The following DMKN variants were observed in gnomAD, a reference collection of about 807,000 sequenced individuals.
DMKN encodes dermokine.
DMKN carries 58 observed loss-of-function variants against 67.6 expected under a neutral mutation model. The ratio of observed to expected loss-of-function variants is 0.86; its 90% CI spans 0.69 to 1.07. The LOEUF is 1.07. DMKN is among the 50% of genes least tolerant of loss of function. The probability of loss-of-function intolerance (pLI) is 0.00; values close to 1 mark genes in which losing one functional copy is unlikely to be tolerated. For missense variants in DMKN, 596 were observed against 601.5 expected (o/e 0.99, Z 0.10); for synonymous variants, 240 against 232.3 (o/e 1.03, Z -0.30).
intron 7 of DMKN, chr19:35,507,491 A>G: frequency 6.4e-7 from 1 of 1,551,470 alleles, no homozygotes; most frequent in Non-Finnish European, 8.7e-7. Context: ...CAAGGAGGCG[A>G]TTGCCCTCTT....
In DMKN at chr19:35,500,635, G is replaced by A. The variant is rs892119066; in HGVS notation, c.1240-55C>T. On this transcript the variant is annotated intron_variant, in intron 11 of 15. Transcript: ENST00000339686. ...CCTCCGCAGTCGTGCGGGCATTGCC[G>A]GGCTTTCAGAGCCCCAGTTTCTCCC... 2.6e-5 allele frequency: 40 copies of A among 1,557,002 alleles called. 1 individual carries two copies. The highest frequency in any genetic ancestry group is 3.4e-5 in the Non-Finnish European group (39 of 1,145,592).
At chr19:35,506,387 A>G in intron 7 of DMKN, 1 of 635,474 alleles carries the variant, frequency 1.6e-6, no homozygotes, top group Non-Finnish European at 2.8e-6. Flanking sequence ...CTCCCATGGA[A>G]CCCCACCCAG....
At chr19:35,505,071 C>T (rs2069185054) in intron 9 of DMKN, among the ~76,000 whole-genome samples, 1 of 151,944 alleles carries the variant, frequency 6.6e-6, no homozygotes, top group East Asian at 1.9e-4. Context: ...CCTCCAATCA[C>T]GAATCGCAGC....
chr19:35,510,653 G>T, intron 5 of DMKN: 1 of 1,206,214 alleles, frequency 8.3e-7, no homozygotes, highest in Non-Finnish European at 1.1e-6. Context: ...AGATGGGGGA[G>T]AGGAGGATCA....
chr19:35,510,876 G>C (rs1247219216), intron 5 of DMKN, among the ~76,000 whole-genome samples: 1 of 152,212 alleles, frequency 6.6e-6, no homozygotes, highest in Non-Finnish European at 1.5e-5. Context: ...TCTGGAGTCA[G>C]TGAGGCCCGG....
intron 3 of DMKN, among the ~76,000 whole-genome samples, 183 bp from the exon 4 acceptor site, chr19:35,511,996 T>TTC: frequency 7.8e-6 from 1 of 128,922 alleles, no homozygotes; most frequent in South Asian, 2.5e-4. Context: ...CTTCCTCCTT[T>TTC]TTTTTTTTTT....
At chr19:35,512,935 C>T in intron 1 of DMKN, 115 bp downstream of exon 1, 1 of 1,531,102 alleles carries the variant, frequency 6.5e-7, no homozygotes. Context: ...TAGAAGGAAG[C>T]TGCCCCAGAA....
Position 35,513,554 on chromosome 19 carries a change from T to C in DMKN, c.-79A>G, listed in dbSNP as rs1434377995. ...CCTTGCCGCCCTTGCTCTGCGTCTC[T>C]GTGCCCTCCTCTGTCCTCCTCCTTC... On this transcript the variant is annotated 5_prime_UTR_variant, in exon 1 of 16. Transcript: ENST00000339686. 5.3e-6 allele frequency: 8 copies of C among 1,497,538 alleles called. No individual in the cohort carries two copies. The highest frequency in any genetic ancestry group is 1.4e-5 in the African/African-American group (1 of 71,750). 92.8% of individuals were successfully genotyped at this position (1,497,538 alleles called of 1,614,324 possible).
chr19:35,509,632 T>A (rs908502475), intron 7 of DMKN: 8 of 419,426 alleles, frequency 1.9e-5, no homozygotes, highest in Non-Finnish European at 3.4e-5. Flanking sequence ...ATAGAGGACA[T>A]TTAAGACAAT....
intron 7 of DMKN, chr19:35,507,620 G>A: frequency 1.1e-6 from 1 of 925,478 alleles, no homozygotes. Flanking sequence ...GGGGGACTGA[G>A]ACATGAGCAT....
At chr19:35,510,816 G>C (rs766278178) in intron 5 of DMKN, among the ~76,000 whole-genome samples, 4 of 152,210 alleles carry the variant, frequency 2.6e-5, no homozygotes, top group Non-Finnish European at 5.9e-5. Context: ...GAGGCCGTCA[G>C]CCAAGGGGTT....
intron 7 of DMKN, chr19:35,509,652 A>G (rs941461918): frequency 5.4e-5 from 25 of 463,408 alleles, no homozygotes; most frequent in Non-Finnish European, 6.5e-5. Flanking sequence ...TTGTGCTTCT[A>G]AAAGGACCGG....
intron 10 of DMKN, 115 bp downstream of exon 10, chr19:35,502,715 A>C (rs550026063): frequency 1.0e-6 from 1 of 985,292 alleles, no homozygotes; most frequent in Non-Finnish European, 1.6e-6. Context: ...AAAAAAAAAA[A>C]GGGGGGGAGT....
At position 35,513,538 on chromosome 19, in the gene DMKN, C is replaced by A; in HGVS notation, c.-63G>T. The A allele has an allele frequency of 6.5e-7, 1 of 1,531,324 alleles. No individual in the cohort carries two copies. The highest frequency in any genetic ancestry group is 8.7e-7 in the Non-Finnish European group (1 of 1,150,304). 94.9% of individuals were successfully genotyped at this position (1,531,324 alleles called of 1,614,324 possible). On this transcript the variant is annotated 5_prime_UTR_variant, in exon 1 of 16. Transcript: ENST00000339686. ...CCCACCAGGGTCTCCTCCTTGCCGC[C>A]CTTGCTCTGCGTCTCTGTGCCCTCC... is the stretch of plus-strand genomic sequence containing the variant.
At chr19:35,500,694 G>A (rs2068210675) in intron 11 of DMKN, 114 bp from the exon 12 acceptor site, 1 of 1,214,702 alleles carries the variant, frequency 8.2e-7, no homozygotes, top group Non-Finnish European at 1.1e-6. Flanking sequence ...TACCTATAGA[G>A]AAGGCAGTGA....
intron 11 of DMKN, chr19:35,501,753 A>G (rs781452033): frequency 3.3e-5 from 48 of 1,454,120 alleles, no homozygotes; most frequent in Non-Finnish European, 4.3e-5. Context: ...TGTCCTCCCC[A>G]TGCCGCAGCC....
chr19:35,498,901 C>A lies in DMKN; in HGVS notation c.1360-4G>T, dbSNP rs1242414318. On this transcript the variant is annotated splice_polypyrimidine_tract_variant and splice_region_variant and intron_variant, in intron 13 of 15. Coordinates refer to ENST00000339686, the MANE Select transcript of DMKN (RefSeq NM_033317.5). ...AGGAAGAAGGTGAGACTCCCCCCTG[C>A]AAAAAGATCAAAGGAAAGTGATGTG... 1 of 1,614,090 alleles carries A rather than the reference C, an allele frequency of 6.2e-7. No homozygotes were observed. The highest frequency in any genetic ancestry group is 8.5e-7 in the Non-Finnish European group (1 of 1,179,992).
At chr19:35,501,024 T>C (rs2068261292) in intron 11 of DMKN, among the ~76,000 whole-genome samples, 1 of 152,202 alleles carries the variant, frequency 6.6e-6, no homozygotes, top group Non-Finnish European at 1.5e-5. Context: ...AGAAGCTGCG[T>C]GCTTAGGTTA....
rs1429407111 is a variant in DMKN at position 35,513,462 on chromosome 19, C to G, written c.14G>C (p.Gly5Ala). 3 of 1,597,292 alleles carry G rather than the reference C, an allele frequency of 1.9e-6. No homozygotes were observed. The highest frequency in any genetic ancestry group is 2.5e-6 in the Non-Finnish European group (3 of 1,178,886). Reference protein sequence around the residue: MKFQGPLACLLLALC... With the variant: MKFQAPLACLLLALC... ...GGCCAGCAGGAGGCAGGCCAGGGGCCCCTGGAACTTCATCTCTGCCCAGCC... is the reference window on the plus strand; with the variant it reads ...GGCCAGCAGGAGGCAGGCCAGGGGCGCCTGGAACTTCATCTCTGCCCAGCC... Residue 5 changes from glycine to alanine, a missense_variant, in exon 1 of 16, where the codon GGG becomes GCG. By Grantham distance (60) the Gly-to-Ala change is moderately conservative (BLOSUM62 0). Coordinates refer to ENST00000339686, the MANE Select transcript of DMKN (RefSeq NM_033317.5).
Sources: gnomAD v4.1 joint callset for allele counts (sites outside exome capture counted in the v4.1 genomes callset) on GRCh38, gnomAD v4.1.1 for gene constraint, MANE v1.5 for transcripts, NCBI Gene and HGNC (gene_info 2026-07-23, HGNC 2026-07-21) for gene names.